The following HMGB1 variants were observed in gnomAD, a reference collection of about 807,000 sequenced individuals.
HMGB1 encodes high mobility group protein B1.
For synonymous variants in HMGB1, 81 were observed against 84.0 expected, an observed-to-expected ratio of 0.96 and a Z score of 0.19; for missense variants, 79 against 253.5, an observed-to-expected ratio of 0.31 and a Z score of 4.67.
chr13:30,612,554 T>G (rs1950522283), intron 1 of HMGB1, among the ~76,000 whole-genome samples: 1 of 152,264 alleles, frequency 6.6e-6, no homozygotes, highest in African/African-American at 2.4e-5. Flanking sequence ...CTTTTGCTAT[T>G]GTTTCTACCA....
chr13:30,488,088 A>T (rs1887402541), intron 1 of HMGB1, among the ~76,000 whole-genome samples: 1 of 152,228 alleles, frequency 6.6e-6, no homozygotes, highest in South Asian at 2.1e-4. Context: ...CAAAACAATG[A>T]TTTAAAATTG....
chr13:30,463,388 A>T (rs1048590358), intron 2 of HMGB1, 36 bp from the exon 3 acceptor site: 1 of 1,564,196 alleles, frequency 6.4e-7, no homozygotes, highest in African/African-American at 1.4e-5. Flanking sequence ...AAGTTGTAAC[A>T]TTTAAGTAAA....
chr13:30,569,130 C>A (rs1268780371), intron 1 of HMGB1, among the ~76,000 whole-genome samples: 2 of 152,182 alleles, frequency 1.3e-5, no homozygotes, highest in African/African-American at 4.8e-5. Flanking sequence ...AATGCCACTG[C>A]ACTCCAGCCT....
intron 1 of HMGB1, among the ~76,000 whole-genome samples, chr13:30,551,214 T>C (rs776150341): frequency 6.6e-5 from 10 of 152,238 alleles, no homozygotes; most frequent in Admixed American, 1.3e-4. Flanking sequence ...CCCTGATGTA[T>C]AAACTAAGCA....
chr13:30,501,230 C>CTA (rs1197541967), intron 1 of HMGB1, among the ~76,000 whole-genome samples: 2 of 152,000 alleles, frequency 1.3e-5, no homozygotes, highest in Non-Finnish European at 2.9e-5. Flanking sequence ...TACTTTTAAG[C>CTA]TATATATATA....
At chr13:30,588,872 G>A (rs1040024859) in intron 1 of HMGB1, among the ~76,000 whole-genome samples, 12 of 151,836 alleles carry the variant, frequency 7.9e-5, no homozygotes, top group African/African-American at 2.4e-4. Context: ...AGCCGACATC[G>A]CGCCACTGCA....
intron 1 of HMGB1, among the ~76,000 whole-genome samples, chr13:30,538,707 C>A (rs71427291): frequency 2.1e-5 from 1 of 48,072 alleles, no homozygotes; most frequent in African/African-American, 8.7e-5. Flanking sequence ...CTTTCTTTTT[C>A]TTTCTTTCTT....
At chr13:30,484,161 G>A (rs1158829148) in intron 1 of HMGB1, among the ~76,000 whole-genome samples, 1 of 152,024 alleles carries the variant, frequency 6.6e-6, no homozygotes, top group Non-Finnish European at 1.5e-5. Context: ...CAGTCCCTTG[G>A]TACCCCCCAT....
In HMGB1 at chr13:30,459,802, A is replaced by C. The variant is rs939656965; in HGVS notation, c.*1555T>G. 10 of 152,400 alleles carry C rather than the reference A, an allele frequency of 6.6e-5. No homozygotes were observed. The highest frequency in any genetic ancestry group is 2.0e-4 in the Admixed American group (3 of 15,286). The allele number at this position is 152,400 out of a possible 1,614,324, so 9.4% of individuals were successfully genotyped here. A position where few individuals can be genotyped will look rare whatever the true frequency, so the allele number is the denominator to read the frequency against. Reference sequence around the variant, plus strand: ...GTATTATTAGAAACAAGATTTAAAAATATGTAACAAAATCTTAAGTTCTTA... The same window carrying C: ...GTATTATTAGAAACAAGATTTAAAACTATGTAACAAAATCTTAAGTTCTTA... On this transcript the variant is annotated 3_prime_UTR_variant, in exon 5 of 5. Coordinates refer to ENST00000341423, the MANE Select transcript of HMGB1 (RefSeq NM_002128.7).
At chr13:30,522,248 G>T (rs1271100007) in intron 1 of HMGB1, among the ~76,000 whole-genome samples, 2 of 151,716 alleles carry the variant, frequency 1.3e-5, no homozygotes, top group Non-Finnish European at 2.9e-5. Flanking sequence ...GAGTAGCTGG[G>T]ACCGCAGGTA....
At chr13:30,467,232 C>T (rs776011288), upstream of HMGB1, among the ~76,000 whole-genome samples, 3 of 152,206 alleles carry the variant, frequency 2.0e-5, no homozygotes, top group Non-Finnish European at 4.4e-5. Flanking sequence ...TTTTTTCACT[C>T]TCTAATGGTA....
chr13:30,491,020 A>G (rs1283414316), intron 1 of HMGB1, among the ~76,000 whole-genome samples: 3 of 152,130 alleles, frequency 2.0e-5, no homozygotes, highest in African/African-American at 4.8e-5. Context: ...TAAGACATTC[A>G]GCACAAAAAT....
intron 1 of HMGB1, among the ~76,000 whole-genome samples, chr13:30,520,418 G>A (rs1168533216): frequency 6.6e-6 from 1 of 151,964 alleles, no homozygotes; most frequent in Middle Eastern, 3.2e-3. Flanking sequence ...CCAGGAGTTT[G>A]GGACCAGCCT....
intron 1 of HMGB1, among the ~76,000 whole-genome samples, chr13:30,488,767 C>T (rs1887422991): frequency 6.6e-6 from 1 of 151,564 alleles, no homozygotes; most frequent in South Asian, 2.1e-4. Flanking sequence ...GATCCTCCTG[C>T]CTCAGCCTCC....
At chr13:30,602,095 C>T (rs1950408694) in intron 1 of HMGB1, among the ~76,000 whole-genome samples, 1 of 152,148 alleles carries the variant, frequency 6.6e-6, no homozygotes, top group African/African-American at 2.4e-5. Context: ...AGACATGTCA[C>T]CGGGGATACC....
chr13:30,551,471 A>G (rs972955516), intron 1 of HMGB1, among the ~76,000 whole-genome samples: 1 of 152,232 alleles, frequency 6.6e-6, no homozygotes, highest in African/African-American at 2.4e-5. Context: ...CTTAAATACC[A>G]TAACATAAAA....
In HMGB1 at chr13:30,567,959, C is replaced by T. The variant is rs571203765; in HGVS notation, c.-15+48712G>A. ...GCTCCTGCAGCTAAAGATGAAGACT[C>T]GTCCATTGGGCAGTTGATTAATTGT... On this transcript the variant is annotated intron_variant, in intron 1 of 4. Coordinates refer to the HMGB1 transcript ENST00000405805. Among the ~76,000 whole-genome samples, 7 of 152,316 alleles carry T rather than the reference C, an allele frequency of 4.6e-5. No homozygotes were observed. The South Asian group carries it at 1.0e-3, about 23-fold the overall frequency.
chr13:30,465,081 T>G (rs1886678817), intron 1 of HMGB1: 1 of 887,606 alleles, frequency 1.1e-6, no homozygotes. Flanking sequence ...GCCTCGGAAC[T>G]GCTGCGCCCA....
At chr13:30,582,099 A>G (rs1047585245) in intron 1 of HMGB1, among the ~76,000 whole-genome samples, 2 of 152,138 alleles carry the variant, frequency 1.3e-5, no homozygotes, top group Admixed American at 1.3e-4. Flanking sequence ...TCAGTCAAAG[A>G]TATGGGGTGA....
Sources: gnomAD v4.1 joint callset for allele counts (sites outside exome capture counted in the v4.1 genomes callset) on GRCh38, gnomAD v4.1.1 for gene constraint, MANE v1.5 for transcripts, NCBI Gene and HGNC (gene_info 2026-07-23, HGNC 2026-07-21) for gene names.